ALMS1: variants seen among roughly 807,000 people sequenced by gnomAD.
The protein encoded by ALMS1 is ALMS1 centrosome and basal body associated protein.
In ALMS1, 271 loss-of-function variants were observed where a neutral mutation model predicts 352.2. The observed-to-expected ratio is 0.77, with a 90% confidence interval of 0.70 to 0.85. The LOEUF (loss-of-function observed/expected upper bound fraction) is 0.85, where lower values mean the gene tolerates loss of function less well. Among genes scored for constraint, ALMS1 ranks in the 40% least tolerant of loss-of-function variants. The pLI is 0.00. For synonymous variants in ALMS1, 1,865 were observed against 1,761.2 expected (o/e 1.06, Z -1.48); for missense variants, 5,445 against 4,870.7 (o/e 1.12, Z -3.51).
intron 1 of ALMS1, among the ~76,000 whole-genome samples, chr2:73,404,248 AG>A (rs1032367272): frequency 6.6e-6 from 1 of 152,176 alleles, no homozygotes; most frequent in African/African-American, 2.4e-5. Flanking sequence ...TTCAGTATAT[AG>A]GACTTTTTCC....
intron 16 of ALMS1, among the ~76,000 whole-genome samples, chr2:73,587,019 A>G (rs188310773): frequency 6.0e-5 from 9 of 149,792 alleles, no homozygotes; most frequent in Middle Eastern, 6.8e-3. Context: ...TTGTTTGTTT[A>G]TTTGTTTGTT....
chr2:73,451,627 G>A lies in ALMS1; in HGVS notation c.5100G>A (p.Gln1700=). 6.2e-7 allele frequency: 1 copy of A among 1,613,998 alleles called. No homozygotes were observed. Among genetic ancestry groups the A allele is most frequent in the Non-Finnish European group, 8.5e-7 (1 of 1,179,976 alleles). Reference sequence around the variant, plus strand: ...CACCTGTTCCTGGACCAGATGCCCAGAAGACTGAGACACCATCAGTATCCT... The same window carrying A: ...CACCTGTTCCTGGACCAGATGCCCAAAAGACTGAGACACCATCAGTATCCT... The part of the protein sequence containing the change: ...KVPPVPGPDA[Q]KTETPSVSSS... The change falls in exon 8 of 23, where the codon CAG becomes CAA. Residue 1700 remains glutamine (Q), a synonymous_variant. Coordinates refer to ENST00000613296, the MANE Select transcript of ALMS1 (RefSeq NM_001378454.1).
chr2:73,562,770 C>T (rs13395057), intron 15 of ALMS1, among the ~76,000 whole-genome samples: 1 of 151,740 alleles, frequency 6.6e-6, no homozygotes, highest in African/African-American at 2.4e-5. Flanking sequence ...GCCTGTAATC[C>T]CAGCTACTCA....
At chr2:73,492,560 T>C (rs1673013179) in intron 10 of ALMS1, among the ~76,000 whole-genome samples, 1 of 152,170 alleles carries the variant, frequency 6.6e-6, no homozygotes, top group Non-Finnish European at 1.5e-5. Flanking sequence ...CCAACCATGA[T>C]GCTGGACAAC....
rs1182262187 is a variant in ALMS1, at chr2:73,490,075, GA to G, written c.8118del (p.Glu2706AspfsTer3). ...FHSSSQMPSP[E>X]PMKKFTTSIT... is the part of the protein sequence containing the mutation. ...TTCTTCATCACAAATGCCGTCCCCA[GA>G]ACCCATGAAAAAGTTTACTACCTCC... On this transcript the variant is annotated frameshift_variant, in exon 10 of 23. Coordinates refer to ENST00000613296, the MANE Select transcript of ALMS1 (RefSeq NM_001378454.1). LOFTEE classifies it high-confidence loss of function. The G allele has an allele frequency of 6.2e-7, 1 of 1,614,012 alleles. No individual in the cohort carries two copies. Among genetic ancestry groups the G allele is most frequent in the African/African-American group, 1.3e-5 (1 of 74,904 alleles).
intron 15 of ALMS1, among the ~76,000 whole-genome samples, chr2:73,568,776 C>G (rs1369633482): frequency 1.3e-5 from 2 of 151,976 alleles, no homozygotes; most frequent in South Asian, 2.1e-4. Context: ...AAATGAAAAG[C>G]AGTAAATGAT....
chr2:73,403,393 C>T (rs1670908927), intron 1 of ALMS1, among the ~76,000 whole-genome samples: 1 of 152,052 alleles, frequency 6.6e-6, no homozygotes, highest in Non-Finnish European at 1.5e-5. Context: ...GTTTACATGT[C>T]TACTTTTTAT....
At chr2:73,435,714 C>T (rs1671592180) in intron 7 of ALMS1, among the ~76,000 whole-genome samples, 1 of 152,014 alleles carries the variant, frequency 6.6e-6, no homozygotes. Context: ...GCCTCAGCCT[C>T]CTCTGTTGTG....
At chr2:73,435,218 T>C (rs1024996654) in intron 7 of ALMS1, among the ~76,000 whole-genome samples, 3 of 152,248 alleles carry the variant, frequency 2.0e-5, no homozygotes, top group Admixed American at 6.5e-5. Flanking sequence ...CCTTGTGATG[T>C]GATTATTTAA....
chr2:73,545,990 A>G (rs764923324), intron 12 of ALMS1, among the ~76,000 whole-genome samples: 7 of 152,194 alleles, frequency 4.6e-5, no homozygotes, highest in African/African-American at 7.2e-5. Flanking sequence ...GTACAATATC[A>G]GATACTTCAT....
In ALMS1 at chr2:73,490,355, C is replaced by G. The variant is rs1022090016; in HGVS notation, c.8396C>G (p.Pro2799Arg). 1.5e-5 allele frequency: 24 copies of G among 1,612,404 alleles called. No individual in the cohort carries two copies. Among genetic ancestry groups the G allele is most frequent in the Non-Finnish European group, 2.0e-5 (24 of 1,179,346 alleles). Residue 2799 changes from proline to arginine, a missense_variant, in exon 10 of 23, where the codon CCT (proline) becomes CGT (arginine). By Grantham distance (103) the Pro-to-Arg change is moderately radical. Coordinates refer to ENST00000613296, the MANE Select transcript of ALMS1 (RefSeq NM_001378454.1). ...GGTAGAAGGCAAAGCCAAAAATTAC[C>G]TGTTGATTTTGAGCGTTCTTTTCAA... is the stretch of plus-strand genomic sequence containing the variant. ...AEGRRQSQKLPVDFERSFQEE... is the reference protein window; with the variant it reads ...AEGRRQSQKLRVDFERSFQEE...
rs538743256 is a variant in ALMS1 at position 73,449,097 on chromosome 2, C to T, written c.2570C>T (p.Ser857Phe). 17 of 1,614,106 alleles carry T rather than the reference C, an allele frequency of 1.1e-5. No homozygotes were observed. In the African/African-American group the frequency reaches 1.9e-4, roughly 18 times the overall value. ...GGGACACCAGCTGTAACCTCTACTT[C>T]CTCTGCGTCCTCTTCACTTGGAGAA... Reference protein sequence around the residue: ...KTGTPAVTSTSSASSSLGEKP... With the variant: ...KTGTPAVTSTFSASSSLGEKP... The change falls in exon 8 of 23, where the codon TCC becomes TTC. Residue 857 changes from serine to phenylalanine, a missense_variant. Coordinates refer to ENST00000613296, the MANE Select transcript of ALMS1 (RefSeq NM_001378454.1).
At chr2:73,459,496 T>G (rs1002590606) in intron 9 of ALMS1, 1 of 152,210 alleles carries the variant, frequency 6.6e-6, no homozygotes, top group Admixed American at 6.5e-5. Flanking sequence ...CATCATTGCT[T>G]CAACATTTCA....
rs1225039531 is a variant in ALMS1 at position 73,572,489 on chromosome 2, A to G, written c.10612A>G (p.Thr3538Ala). 2 of 1,614,010 alleles carry G rather than the reference A, an allele frequency of 1.2e-6. No homozygotes were observed. Among genetic ancestry groups the G allele is most frequent in the Non-Finnish European group, 1.7e-6 (2 of 1,179,994 alleles). Residue 3538 changes from threonine (T) to alanine (A), a missense_variant, in exon 16 of 23, where the codon ACT (threonine) becomes GCT (alanine). Transcript: ENST00000613296. Reference sequence around the variant, plus strand: ...TCTTCCTTATCAAAACATGGACAAGACTAAGACAGATTATACCAGAATAAA... The same window carrying G: ...TCTTCCTTATCAAAACATGGACAAGGCTAAGACAGATTATACCAGAATAAA... ...LPLPYQNMDKTKTDYTRIKSL... is the reference protein window; with the variant it reads ...LPLPYQNMDKAKTDYTRIKSL...
intron 11 of ALMS1, 116 bp from the exon 12 acceptor site, chr2:73,534,708 T>A: frequency 9.6e-7 from 1 of 1,046,248 alleles, no homozygotes; most frequent in Non-Finnish European, 1.4e-6. Flanking sequence ...TCTCTTTGTT[T>A]ACTCATAAAT....
intron 13 of ALMS1, among the ~76,000 whole-genome samples, chr2:73,552,084 AG>A (rs1674449567): frequency 6.6e-6 from 1 of 152,112 alleles, no homozygotes; most frequent in Non-Finnish European, 1.5e-5. Context: ...TTTAAGTTTT[AG>A]GGTACATGTG....
At position 73,449,221 on chromosome 2, in the gene ALMS1, T is replaced by C. The variant is rs1219928929; in HGVS notation, c.2694T>C (p.Thr898=). 6.2e-7 allele frequency: 1 copy of C among 1,614,138 alleles called. No homozygotes were observed. Among genetic ancestry groups the C allele is most frequent in the African/African-American group, 1.3e-5 (1 of 75,036 alleles). The stretch of plus-strand genomic sequence containing the variant: ...TTCCTGGACCAGGTGATCAGAAGAC[T>C]GGGATACCCTCAGCACCATCTAGTT... The part of the protein sequence containing the change: ...SIVPGPGDQK[T]GIPSAPSSFY... Residue 898 remains threonine, a synonymous_variant, in exon 8 of 23, where the codon ACT becomes ACC. Transcript: ENST00000613296.
At chr2:73,411,287 C>A (rs1671071010) in intron 2 of ALMS1, among the ~76,000 whole-genome samples, 1 of 151,908 alleles carries the variant, frequency 6.6e-6, no homozygotes, top group South Asian at 2.1e-4. Flanking sequence ...CCTGGGGCTT[C>A]CAGAAGGTAG....
At chr2:73,398,830 T>G (rs531745293) in intron 1 of ALMS1, among the ~76,000 whole-genome samples, 30 of 152,076 alleles carry the variant, frequency 2.0e-4, no homozygotes, top group African/African-American at 7.2e-4. Flanking sequence ...CCAGGAAAGT[T>G]TTGTCAGTTC....
Sources: gnomAD v4.1 joint callset for allele counts (sites outside exome capture counted in the v4.1 genomes callset) on GRCh38, gnomAD v4.1.1 for gene constraint, MANE v1.5 for transcripts, NCBI Gene and HGNC (gene_info 2026-07-23, HGNC 2026-07-21) for gene names.